Variants in FREM2 observed in about 807,000 individuals in gnomAD.
The protein encoded by FREM2 is FRAS1-related extracellular matrix protein 2.
FREM2 carries 119 observed loss-of-function variants against 219.9 expected under a neutral mutation model. The ratio of observed to expected loss-of-function variants is 0.54; its 90% CI spans 0.47 to 0.63. The LOEUF (loss-of-function observed/expected upper bound fraction) is 0.63, where lower values mean the gene tolerates loss of function less well. FREM2 is among the 30% of genes least tolerant of loss of function. The pLI is 0.00. For synonymous variants in FREM2, 1,562 were observed against 1,522.8 expected (o/e 1.03, Z -0.60); for missense variants, 4,030 against 3,993.6 (o/e 1.01, Z -0.25).
chr13:38,768,116 T>A (rs1593394986), intron 3 of FREM2, among the ~76,000 whole-genome samples: 1 of 152,330 alleles, frequency 6.6e-6, no homozygotes, highest in East Asian at 1.9e-4. Flanking sequence ...TGTGGTTGAA[T>A]GGATCTTATT....
intron 6 of FREM2, among the ~76,000 whole-genome samples, chr13:38,821,349 A>G (rs1314060596): frequency 6.6e-6 from 1 of 152,126 alleles, no homozygotes; most frequent in African/African-American, 2.4e-5. Flanking sequence ...AAGATTGCCC[A>G]GTCAAATATA....
chr13:38,853,729 T>C (rs1877460630), intron 11 of FREM2, among the ~76,000 whole-genome samples: 1 of 152,178 alleles, frequency 6.6e-6, no homozygotes, highest in Non-Finnish European at 1.5e-5. Flanking sequence ...AAAATATATA[T>C]TTGAAATAAA....
In FREM2 at chr13:38,850,710, C is replaced by T. The variant is rs4303350; in HGVS notation, c.6578-234C>T. Among the ~76,000 whole-genome samples the T allele has an allele frequency of 0.24, 37,006 of 152,098 alleles. 6,429 individuals are homozygous for T. Among genetic ancestry groups the T allele is most frequent in the African/African-American group, 0.48 (19,976 of 41,470 alleles). On this transcript the variant is annotated intron_variant, in intron 9 of 23. Transcript: ENST00000280481. ...GTTTTCTAAGATGAGTGGCAGAGCTCAAAGACAGAAATCAAAGAAATTCCC... is the reference window on the plus strand; with the variant it reads ...GTTTTCTAAGATGAGTGGCAGAGCTTAAAGACAGAAATCAAAGAAATTCCC...
chr13:38,782,657 C>T (rs931175129), intron 4 of FREM2, among the ~76,000 whole-genome samples: 5 of 152,266 alleles, frequency 3.3e-5, no homozygotes, highest in East Asian at 3.9e-4. Flanking sequence ...TTCAACTATG[C>T]GAGCCTGAGT....
At chr13:38,797,897 A>G (rs1874857531) in intron 6 of FREM2, among the ~76,000 whole-genome samples, 1 of 152,110 alleles carries the variant, frequency 6.6e-6, no homozygotes, top group African/African-American at 2.4e-5. Context: ...TTTTCTAGAT[A>G]TAAAATAATG....
rs114229197 is a variant in FREM2 at position 38,848,492 on chromosome 13, T to A, written c.6201T>A (p.Asn2067Lys). 156 of 1,614,048 alleles carry A rather than the reference T, an allele frequency of 9.7e-5. No homozygotes were observed. The African/African-American group carries it at 1.6e-3, about 17-fold the overall frequency. The change falls in exon 8 of 24, where the codon AAT becomes AAA. Residue 2067 changes from asparagine (N) to lysine (K), a missense_variant. Asn to Lys is a moderately conservative substitution (Grantham distance 94, BLOSUM62 0). This residue lies in a region of FREM2 where 3,102 missense variants were observed against 2,950.7 expected (regional missense o/e 1.05). Transcript: ENST00000280481. Reference protein sequence around the residue: ...AGTDYVGISRNLDFAPGVNMQ... With the variant: ...AGTDYVGISRKLDFAPGVNMQ... ...CAGACTATGTGGGCATCAGCCGTAA[T>A]TTAGATTTTGCACCTGGAGTCAACA...
At chr13:38,839,661 G>A (rs975458574) in intron 6 of FREM2, among the ~76,000 whole-genome samples, 1 of 152,160 alleles carries the variant, frequency 6.6e-6, no homozygotes, top group Admixed American at 6.5e-5. Context: ...GCCCAGAGAG[G>A]AGGAATCTAG....
chr13:38,763,269 T>A (rs902132719), intron 2 of FREM2, among the ~76,000 whole-genome samples: 2 of 152,208 alleles, frequency 1.3e-5, no homozygotes, highest in African/African-American at 4.8e-5. Flanking sequence ...CTGCAGTTTT[T>A]ATTTTTTAAA....
chr13:38,794,304 A>C (rs1452913429), intron 6 of FREM2, among the ~76,000 whole-genome samples: 1 of 152,176 alleles, frequency 6.6e-6, no homozygotes, highest in African/African-American at 2.4e-5. Flanking sequence ...CCAGCAAAGA[A>C]GGTGCTAAAA....
intron 6 of FREM2, among the ~76,000 whole-genome samples, chr13:38,837,220 G>A (rs919589344): frequency 6.6e-6 from 1 of 152,206 alleles, no homozygotes; most frequent in Non-Finnish European, 1.5e-5. Flanking sequence ...TACAAGAGCA[G>A]GTTGTTCAGT....
intron 3 of FREM2, among the ~76,000 whole-genome samples, chr13:38,768,512 A>G (rs1873530879): frequency 6.6e-6 from 1 of 152,068 alleles, no homozygotes; most frequent in Non-Finnish European, 1.5e-5. Flanking sequence ...CCTGGGCTCA[A>G]GTGATCCACC....
intron 11 of FREM2, among the ~76,000 whole-genome samples, chr13:38,854,240 T>C (rs1877477332): frequency 6.6e-6 from 1 of 151,794 alleles, no homozygotes; most frequent in South Asian, 2.1e-4. Context: ...GTCCAGCAAG[T>C]ATACTATCAG....
chr13:38,876,805 A>G (rs1878357124), intron 20 of FREM2, among the ~76,000 whole-genome samples: 1 of 152,174 alleles, frequency 6.6e-6, no homozygotes, highest in African/African-American at 2.4e-5. Flanking sequence ...TCTTTTTTTC[A>G]AGAATTTTTA....
chr13:38,839,894 C>T (rs1398485116), intron 6 of FREM2, among the ~76,000 whole-genome samples: 1 of 152,190 alleles, frequency 6.6e-6, no homozygotes, highest in African/African-American at 2.4e-5. Flanking sequence ...TGCTGGGCTC[C>T]ATGGGGGTGG....
chr13:38,720,181 A>T (rs1422081852), intron 2 of FREM2, among the ~76,000 whole-genome samples: 1 of 152,226 alleles, frequency 6.6e-6, no homozygotes, highest in African/African-American at 2.4e-5. Flanking sequence ...CCTCTAATTT[A>T]GGCTTACAAA....
rs116413996 is a variant in FREM2, at chr13:38,854,017, A to G, written c.6926-2109A>G. ...GGTCTCTTTTATCCAATAAATGTCA[A>G]CATGTGTTTTATAATGTTTATATTA... is the stretch of plus-strand genomic sequence containing the variant. On this transcript the variant is annotated intron_variant, in intron 11 of 23. Transcript: ENST00000280481. 7.5e-3 allele frequency among the ~76,000 whole-genome samples: 1,142 copies of G among 152,016 alleles called. 15 individuals are homozygous for G. Among genetic ancestry groups the G allele is most frequent in the African/African-American group, 0.027 (1,107 of 41,552 alleles).
chr13:38,741,259 T>C (rs1199924805), intron 2 of FREM2, among the ~76,000 whole-genome samples: 1 of 152,182 alleles, frequency 6.6e-6, no homozygotes, highest in African/African-American at 2.4e-5. Flanking sequence ...GGTTCAGCAC[T>C]AGAAGGGGTC....
rs777127152 is a variant in FREM2 at position 38,688,430 on chromosome 13, A to T, written c.1086A>T (p.Pro362=). 4 of 1,613,926 alleles carry T rather than the reference A, an allele frequency of 2.5e-6. No homozygotes were observed. Among genetic ancestry groups the T allele is most frequent in the Non-Finnish European group, 3.4e-6 (4 of 1,179,928 alleles). Residue 362 remains proline, a synonymous_variant, in exon 1 of 24, where the codon CCA becomes CCT. Transcript: ENST00000280481. ...SDLLIFNLTS[P]FQPGQGYLVS... Reference sequence around the variant, plus strand: ...TGTTGATCTTCAACCTTACTTCTCCATTCCAGCCTGGCCAGGGCTACTTGG... The same window carrying T: ...TGTTGATCTTCAACCTTACTTCTCCTTTCCAGCCTGGCCAGGGCTACTTGG...
chr13:38,846,103 A>G (rs1292268233), intron 6 of FREM2, among the ~76,000 whole-genome samples: 3 of 152,092 alleles, frequency 2.0e-5, no homozygotes, highest in Non-Finnish European at 4.4e-5. Flanking sequence ...ACTCACATAC[A>G]TCGAAATAAG....
Sources: allele counts gnomAD v4.1 joint callset (sites outside exome capture counted in the v4.1 genomes callset), GRCh38; gene constraint gnomAD v4.1.1; regional missense constraint gnomAD v4.1.1; transcripts MANE v1.5; gene names NCBI Gene and HGNC (gene_info 2026-07-23, HGNC 2026-07-21).